ADAMTS18: variants seen among roughly 807,000 people sequenced by gnomAD.
ADAMTS18 encodes the protein A disintegrin and metalloproteinase with thrombospondin motifs 18.
ADAMTS18 carries 157 observed loss-of-function variants against 165.9 expected under a neutral mutation model. The observed-to-expected ratio is 0.95, with a 90% CI of 0.83 to 1.08. The LOEUF is 1.08. Among genes scored for constraint, ADAMTS18 ranks in the 50% least tolerant of loss-of-function variants. The pLI is 0.00. For missense variants in ADAMTS18, 2,040 were observed against 1,534.0 expected (o/e 1.33, Z -5.51); for synonymous variants, 782 against 578.2 (o/e 1.35, Z -5.06).
intron 22 of ADAMTS18, 55 bp from the exon 23 acceptor site, chr16:77,284,126 T>A: frequency 2.1e-6 from 2 of 960,772 alleles, no homozygotes; most frequent in Non-Finnish European, 3.0e-6. Flanking sequence ...CCTTTTTCTT[T>A]TTTTTTTTTT....
chr16:77,360,377 G>C (rs148025677), intron 7 of ADAMTS18, among the ~76,000 whole-genome samples: 1 of 152,288 alleles, frequency 6.6e-6, no homozygotes, highest in African/African-American at 2.4e-5. Context: ...AGATCTCAGA[G>C]TCATAAATTC....
chr16:77,285,821 C>T (rs780319841), intron 22 of ADAMTS18, among the ~76,000 whole-genome samples: 43 of 152,314 alleles, frequency 2.8e-4, no homozygotes, highest in Non-Finnish European at 4.4e-4. Context: ...CTTTAAAATG[C>T]ACCCAGCATC....
chr16:77,431,643 C>T, intron 2 of ADAMTS18, 32 bp from the exon 3 acceptor site: 1 of 1,609,326 alleles, frequency 6.2e-7, no homozygotes. Flanking sequence ...TGTCAGCACC[C>T]AGAGCCCACA....
intron 7 of ADAMTS18, 49 bp downstream of exon 7, chr16:77,362,034 TCATCCATAGAAAGTTTCCATAC>T: frequency 6.6e-7 from 1 of 1,521,920 alleles, no homozygotes; most frequent in Non-Finnish European, 9.1e-7. Flanking sequence ...GGGCTATCCA[TCATCCATAGAAAGTTTCCATAC>T]TGTGTTTTCA....
intron 12 of ADAMTS18, among the ~76,000 whole-genome samples, chr16:77,333,035 C>G (rs1312555391): frequency 6.6e-6 from 1 of 152,104 alleles, no homozygotes; most frequent in African/African-American, 2.4e-5. Flanking sequence ...GGTTTGCCGG[C>G]CAAACTTTTC....
chr16:77,384,684 A>G (rs2057080326), intron 3 of ADAMTS18, among the ~76,000 whole-genome samples: 1 of 152,172 alleles, frequency 6.6e-6, no homozygotes, highest in Non-Finnish European at 1.5e-5. Flanking sequence ...TGAAGATTGT[A>G]CTAATTTAAC....
intron 13 of ADAMTS18, among the ~76,000 whole-genome samples, chr16:77,325,580 G>A (rs1363015614): frequency 6.6e-6 from 1 of 151,360 alleles, no homozygotes; most frequent in East Asian, 2.0e-4. Context: ...AGACTTAATT[G>A]CCAAAATGTC....
chr16:77,368,714 C>T (rs1005102271), intron 3 of ADAMTS18, among the ~76,000 whole-genome samples: 1 of 152,166 alleles, frequency 6.6e-6, no homozygotes, highest in African/African-American at 2.4e-5. Context: ...TCTGGCCCAT[C>T]TTGATTCACA....
intron 3 of ADAMTS18, among the ~76,000 whole-genome samples, chr16:77,394,773 C>A (rs564763120): frequency 1.3e-5 from 2 of 152,156 alleles, no homozygotes; most frequent in South Asian, 4.1e-4. Flanking sequence ...TAAACTATAA[C>A]TGATAAACAT....
Position 77,297,293 on chromosome 16 carries a change from C to G in ADAMTS18, c.2797G>C (p.Ala933Pro). Residue 933 changes from alanine (A) to proline (P), a missense_variant, in exon 18 of 23, where the codon GCT (alanine) becomes CCT (proline). Transcript: ENST00000282849. ...AGACACTTCCAAATGACTTACTAAG[C>G]CGGGCAGGAGAAAGCGTTGCAGATT... ...PKICNAFSCP[A>P]YWMPGEWSTC... 1 of 1,614,084 alleles carries G rather than the reference C, an allele frequency of 6.2e-7. No homozygotes were observed. The highest frequency in any genetic ancestry group is 1.6e-4 in the Middle Eastern group (1 of 6,062).
intron 11 of ADAMTS18, among the ~76,000 whole-genome samples, chr16:77,339,548 T>C (rs1460992876): frequency 6.6e-6 from 1 of 151,908 alleles, no homozygotes; most frequent in Non-Finnish European, 1.5e-5. Flanking sequence ...ATTCATTATA[T>C]AAATATTTTC....
At chr16:77,324,129 A>G (rs1292791439) in intron 13 of ADAMTS18, among the ~76,000 whole-genome samples, 1 of 152,250 alleles carries the variant, frequency 6.6e-6, no homozygotes, top group African/African-American at 2.4e-5. Context: ...GATAAAGGCC[A>G]AGGAATATCC....
chr16:77,297,071 G>A (rs2055487547), intron 18 of ADAMTS18, among the ~76,000 whole-genome samples: 1 of 152,142 alleles, frequency 6.6e-6, no homozygotes. Flanking sequence ...GGAACTCCTG[G>A]GTTCTACTGA....
chr16:77,335,742 T>G lies in ADAMTS18; in HGVS notation c.1859+14A>C. 1 of 1,614,212 alleles carries G rather than the reference T, an allele frequency of 6.2e-7. No homozygotes were observed. Among genetic ancestry groups the G allele is most frequent in the Non-Finnish European group, 8.5e-7 (1 of 1,180,016 alleles). ...TAAGGCCTTGCAAAGACTAACTTTC[T>G]GCTGGAGGCTTACTTGGGGTTATTG... On this transcript the variant is annotated intron_variant, in intron 12 of 22. Coordinates refer to ENST00000282849, the MANE Select transcript of ADAMTS18 (RefSeq NM_199355.4).
At chr16:77,412,648 G>A (rs1332660099) in intron 3 of ADAMTS18, among the ~76,000 whole-genome samples, 1 of 152,166 alleles carries the variant, frequency 6.6e-6, no homozygotes, top group Non-Finnish European at 1.5e-5. Flanking sequence ...ATGGTGGAAG[G>A]TGAAACGCAC....
intron 3 of ADAMTS18, among the ~76,000 whole-genome samples, chr16:77,410,393 G>A (rs948694746): frequency 6.6e-6 from 1 of 151,968 alleles, no homozygotes; most frequent in African/African-American, 2.4e-5. Flanking sequence ...AATTTGGTGA[G>A]CATGAGGATC....
chr16:77,434,627 C>A lies in ADAMTS18; in HGVS notation c.69G>T (p.Ala23=). ...CTGCCTTGGCCACGCGCCCCAGTCC[C>A]GCCAGGCCCCTCGGCGGGCCCGAAC... ...AAGSGPPRGL[A]GLGRVAKALQ... is the part of the protein sequence containing the mutation. Residue 23 remains alanine, a synonymous_variant, in exon 1 of 23, where the codon GCG becomes GCT. Transcript: ENST00000282849. 6.7e-7 allele frequency: 1 copy of A among 1,492,122 alleles called. No individual in the cohort carries two copies. Among genetic ancestry groups the A allele is most frequent in the South Asian group, 1.3e-5 (1 of 79,554 alleles). 92.4% of individuals were successfully genotyped at this position (1,492,122 alleles called of 1,614,324 possible).
rs149257154 is a variant in ADAMTS18, at chr16:77,340,011, T to C, written c.1710+1693A>G. On this transcript the variant is annotated intron_variant, in intron 11 of 22. Coordinates refer to ENST00000282849, the MANE Select transcript of ADAMTS18 (RefSeq NM_199355.4). ...ACAACCCAACAACCATCTTGATGCA[T>C]GTACTTGTTGTGGTTTATTCTAAGT... Among the ~76,000 whole-genome samples the C allele has an allele frequency of 1.1e-3, 165 of 152,302 alleles. 1 individual carries two copies. The highest frequency in any genetic ancestry group is 3.4e-3 in the African/African-American group (143 of 41,566).
intron 3 of ADAMTS18, among the ~76,000 whole-genome samples, chr16:77,405,640 G>C (rs1463804317): frequency 6.6e-6 from 1 of 152,156 alleles, no homozygotes; most frequent in East Asian, 1.9e-4. Flanking sequence ...CATACACCAT[G>C]TGGCTTATAC....
Sources: allele counts gnomAD v4.1 joint callset (sites outside exome capture counted in the v4.1 genomes callset), GRCh38; gene constraint gnomAD v4.1.1; transcripts MANE v1.5; gene names NCBI Gene and HGNC (gene_info 2026-07-23, HGNC 2026-07-21).